The following WWP2 variants were observed in gnomAD, a reference collection of about 807,000 sequenced individuals.
WWP2 encodes NEDD4-like E3 ubiquitin-protein ligase WWP2.
In WWP2, 57 loss-of-function variants were observed where a neutral mutation model predicts 121.0. The ratio of observed to expected loss-of-function variants is 0.47; its 90% CI spans 0.38 to 0.59. The LOEUF (loss-of-function observed/expected upper bound fraction) is 0.59, where lower values mean the gene tolerates loss of function less well. Among genes scored for constraint, WWP2 ranks in the 20% least tolerant of loss-of-function variants. The probability of loss-of-function intolerance (pLI) is 0.00; values close to 1 mark genes in which losing one functional copy is unlikely to be tolerated. For synonymous variants in WWP2, 449 were observed against 441.3 expected, an observed-to-expected ratio of 1.02 and a Z score of -0.22; for missense variants, 962 against 1,158.9, an observed-to-expected ratio of 0.83 and a Z score of 2.47.
chr16:69,850,037 G>A (rs2057173242), intron 6 of WWP2, among the ~76,000 whole-genome samples: 1 of 152,134 alleles, frequency 6.6e-6, no homozygotes, highest in Non-Finnish European at 1.5e-5. Context: ...GCCGTTGAAG[G>A]CAATATTCAC....
At chr16:69,857,561 G>T (rs969245302) in intron 6 of WWP2, among the ~76,000 whole-genome samples, 1 of 150,284 alleles carries the variant, frequency 6.7e-6, no homozygotes, top group African/African-American at 2.5e-5. Flanking sequence ...AAGGTTTTCT[G>T]TTTGGCCTTA....
chr16:69,922,929 G>A (rs774013326), intron 10 of WWP2, among the ~76,000 whole-genome samples: 3 of 151,530 alleles, frequency 2.0e-5, no homozygotes, highest in Admixed American at 6.6e-5. Flanking sequence ...TCGCTCTGTT[G>A]CCCAGGTTAG....
At chr16:69,778,941 G>C (rs911589522) in intron 1 of WWP2, among the ~76,000 whole-genome samples, 18 of 20,754 alleles carry the variant, frequency 8.7e-4, no homozygotes, top group African/African-American at 3.8e-3. Flanking sequence ...ACACCTGGCC[G>C]GTTATTTATT....
intron 8 of WWP2, among the ~76,000 whole-genome samples, chr16:69,906,120 T>G (rs2058288042): frequency 6.6e-6 from 1 of 151,898 alleles, no homozygotes; most frequent in South Asian, 2.1e-4. Flanking sequence ...TCGCCCAGAC[T>G]GGAGTGCAGT....
intron 8 of WWP2, among the ~76,000 whole-genome samples, chr16:69,905,487 G>A (rs1303109334): frequency 6.6e-6 from 1 of 152,176 alleles, no homozygotes; most frequent in African/African-American, 2.4e-5. Flanking sequence ...AACTTTTTGA[G>A]TTCCGACATG....
At chr16:69,912,726 G>A (rs1380409115) in intron 9 of WWP2, among the ~76,000 whole-genome samples, 1 of 150,994 alleles carries the variant, frequency 6.6e-6, no homozygotes, top group African/African-American at 2.4e-5. Flanking sequence ...AACTCAGTCA[G>A]TGTTTTAGTG....
chr16:69,907,156 A>G (rs567073560), intron 8 of WWP2, among the ~76,000 whole-genome samples: 2 of 152,310 alleles, frequency 1.3e-5, no homozygotes, highest in East Asian at 1.9e-4. Context: ...ATGGAGGGCT[A>G]TCTGAAATCA....
chr16:69,843,634 A>C (rs926355548), intron 6 of WWP2, among the ~76,000 whole-genome samples: 1 of 152,122 alleles, frequency 6.6e-6, no homozygotes, highest in Non-Finnish European at 1.5e-5. Context: ...TTGGAAGATC[A>C]AAGTGGGAGG....
chr16:69,799,898 C>G lies in WWP2; in HGVS notation c.340+603C>G, dbSNP rs60219317. Among the ~76,000 whole-genome samples the G allele has an allele frequency of 1.9e-3, 282 of 152,306 alleles. 6 individuals are homozygous for G. Among genetic ancestry groups the G allele is most frequent in the African/African-American group, 6.3e-3 (261 of 41,574 alleles). On this transcript the variant is annotated intron_variant, in intron 4 of 23. Coordinates refer to ENST00000359154, the MANE Select transcript of WWP2 (RefSeq NM_001270454.2). The surrounding 1 kb of genome is among the most constrained non-coding windows in gnomAD (Gnocchi z 4.5). ...ATTTATTGCTGTTTGTGGTCAGTGG[C>G]ATGGCCCATGGCGGTGGTATTGGAC...
intron 4 of WWP2, among the ~76,000 whole-genome samples, chr16:69,807,533 T>C (rs1020311352): frequency 2.0e-5 from 3 of 146,434 alleles, no homozygotes; most frequent in Non-Finnish European, 3.0e-5. Flanking sequence ...TCGGGAGGAT[T>C]GCTTGAGCCC....
chr16:69,929,943 G>A (rs753231567), intron 12 of WWP2, among the ~76,000 whole-genome samples, 187 bp from the exon 13 acceptor site: 8 of 152,218 alleles, frequency 5.3e-5, no homozygotes, highest in South Asian at 2.1e-4. Context: ...TTGGCCATGA[G>A]ATAATAAGTG....
chr16:69,926,942 G>A (rs780638270), intron 11 of WWP2, among the ~76,000 whole-genome samples: 3 of 152,198 alleles, frequency 2.0e-5, no homozygotes, highest in African/African-American at 7.2e-5. Flanking sequence ...GGCAGGTGAT[G>A]TAGCCCAGTC....
chr16:69,762,816 G>A (rs915145805), intron 1 of WWP2, among the ~76,000 whole-genome samples: 1 of 152,198 alleles, frequency 6.6e-6, no homozygotes, highest in Non-Finnish European at 1.5e-5. Context: ...AAAAGATGCT[G>A]CCTGGACCCC....
intron 4 of WWP2, among the ~76,000 whole-genome samples, chr16:69,820,992 C>T (rs1004865035): frequency 2.2e-4 from 33 of 152,244 alleles, no homozygotes; most frequent in African/African-American, 2.4e-4. Context: ...CTGCCCACTC[C>T]GGCGAGGCTA....
Position 69,799,299 on chromosome 16 carries a change from C to A in WWP2, c.340+4C>A. 1 of 1,612,436 alleles carries A rather than the reference C, an allele frequency of 6.2e-7. No homozygotes were observed. The highest frequency in any genetic ancestry group is 8.5e-7 in the Non-Finnish European group (1 of 1,179,410). Reference sequence around the variant, plus strand: ...TTGAAGAACAATGGGGGCAAAAGTACGTATGATGAAGGGGGTGCCGACGTG... The same window carrying A: ...TTGAAGAACAATGGGGGCAAAAGTAAGTATGATGAAGGGGGTGCCGACGTG... On this transcript the variant is annotated splice_donor_region_variant and intron_variant, in intron 4 of 23. Transcript: ENST00000359154. This position sits in a 1 kb window ranked among gnomAD's most constrained non-coding sequence, Gnocchi z 4.5.
chr16:69,854,158 C>A (rs1020012626), intron 6 of WWP2, among the ~76,000 whole-genome samples: 3 of 152,044 alleles, frequency 2.0e-5, no homozygotes, highest in Non-Finnish European at 2.9e-5. Flanking sequence ...AAATTGTGAT[C>A]GAAAGGGGAC....
chr16:69,798,416 A>G (rs575267688), intron 2 of WWP2, among the ~76,000 whole-genome samples: 2 of 152,210 alleles, frequency 1.3e-5, no homozygotes, highest in African/African-American at 4.8e-5. Context: ...CTGGAAGGCA[A>G]TTTACCAACG....
chr16:69,798,720 C>T lies in WWP2; in HGVS notation c.109C>T (p.Arg37Ter), dbSNP rs548693533. 1.2e-6 allele frequency: 2 copies of T among 1,614,082 alleles called. No individual in the cohort carries two copies. The highest frequency in any genetic ancestry group is 2.2e-5 in the South Asian group (2 of 91,078). ...GCCCAAGGTGCATAATCGTCAACCT[C>T]GAATTAACTCCTACGTGGAGGTGGC... ...AKPKVHNRQP[R>*]INSYVEVAVD... Residue 37 changes from arginine (R) to a stop codon, truncating the protein, a stop_gained, in exon 3 of 24, where the codon CGA (arginine) becomes TGA (stop). Transcript: ENST00000359154. LOFTEE classifies it high-confidence loss of function.
intron 4 of WWP2, among the ~76,000 whole-genome samples, chr16:69,800,568 CTTTT>C (rs11308765): frequency 7.2e-6 from 1 of 139,708 alleles, no homozygotes. Context: ...ATTGTTTTTT[CTTTT>C]TTTTTTTTTT....
Sources: gnomAD v4.1 joint callset for allele counts (sites outside exome capture counted in the v4.1 genomes callset) on GRCh38, gnomAD v4.1.1 for gene constraint, Gnocchi (gnomAD v3.1) non-coding constraint, MANE v1.5 for transcripts, NCBI Gene and HGNC (gene_info 2026-07-23, HGNC 2026-07-21) for gene names.